Variants in ARNT observed in about 807,000 individuals in gnomAD.
ARNT encodes the protein class E basic helix-loop-helix protein 2.
ARNT carries 30 observed loss-of-function variants against 105.0 expected under a neutral mutation model. The ratio of observed to expected loss-of-function variants is 0.29; its 90% CI spans 0.21 to 0.39. The LOEUF (loss-of-function observed/expected upper bound fraction) is 0.39, where lower values mean the gene tolerates loss of function less well. Among genes scored for constraint, ARNT ranks in the 10% least tolerant of loss-of-function variants. The pLI is 1.00. For missense variants in ARNT, 748 were observed against 978.7 expected, an observed-to-expected ratio of 0.76 and a Z score of 3.15; for synonymous variants, 304 against 344.0, an observed-to-expected ratio of 0.88 and a Z score of 1.29.
At chr1:150,850,018 C>T (rs1663021589) in intron 3 of ARNT, among the ~76,000 whole-genome samples, 1 of 151,976 alleles carries the variant, frequency 6.6e-6, no homozygotes, top group Non-Finnish European at 1.5e-5. Context: ...CAGCACTGCA[C>T]TCCAGCCTGG....
intron 1 of ARNT, among the ~76,000 whole-genome samples, chr1:150,858,745 T>C (rs1665076727): frequency 6.6e-6 from 1 of 151,436 alleles, no homozygotes; most frequent in Non-Finnish European, 1.5e-5. Context: ...CCTCAGCTTC[T>C]GGAATAGCTA....
At chr1:150,832,720 T>C (rs989556670) in intron 8 of ARNT, among the ~76,000 whole-genome samples, 2 of 152,210 alleles carry the variant, frequency 1.3e-5, no homozygotes, top group Admixed American at 6.5e-5. Context: ...TCTAGCATTA[T>C]AGCATGAAAA....
chr1:150,855,123 G>T (rs1441173120), intron 2 of ARNT, among the ~76,000 whole-genome samples: 2 of 151,814 alleles, frequency 1.3e-5, no homozygotes, highest in Non-Finnish European at 2.9e-5. Context: ...AGAATCTAAA[G>T]AAATAATATG....
intron 15 of ARNT, 107 bp downstream of exon 15, chr1:150,817,813 C>CAA (rs35672926): frequency 0.047 from 31,443 of 675,118 alleles, no homozygotes; most frequent in South Asian, 0.074. Context: ...AACTCCTTCT[C>CAA]AAAAAAAAAA....
Position 150,810,629 on chromosome 1 carries a change from AT to A in ARNT, c.*1391del, listed in dbSNP as rs1654551151. On this transcript the variant is annotated 3_prime_UTR_variant, in exon 22 of 22. Coordinates refer to ENST00000358595, the MANE Select transcript of ARNT (RefSeq NM_001668.4). ...GCACTTTAGCTACTGGCCAAAGCCA[AT>A]TTAAAAAAAAAAAAAAAAAAGCTGG... 3.3e-5 allele frequency: 7 copies of A among 210,994 alleles called. No homozygotes were observed. Among genetic ancestry groups the A allele is most frequent in the East Asian group, 7.1e-5 (1 of 14,086 alleles). 13.1% of individuals were successfully genotyped at this position (210,994 alleles called of 1,614,324 possible). A position where few individuals can be genotyped will look rare whatever the true frequency, so the allele number is the denominator to read the frequency against.
chr1:150,838,711 A>G (rs1340096829), intron 6 of ARNT, among the ~76,000 whole-genome samples: 1 of 152,182 alleles, frequency 6.6e-6, no homozygotes, highest in Non-Finnish European at 1.5e-5. Context: ...TGCAATGATC[A>G]TGTTATTTTA....
intron 14 of ARNT, 73 bp from the exon 15 acceptor site, chr1:150,818,103 A>C: frequency 9.3e-7 from 1 of 1,076,230 alleles, no homozygotes; most frequent in Non-Finnish European, 1.4e-6. Flanking sequence ...AAAGAGAAGA[A>C]TAAGATTCTG....
intron 20 of ARNT, among the ~76,000 whole-genome samples, chr1:150,813,710 T>C (rs1286419209): frequency 2.0e-5 from 3 of 151,970 alleles, no homozygotes; most frequent in Non-Finnish European, 2.9e-5. Context: ...AAAGGCGCGA[T>C]CTCAGCTCAC....
intron 1 of ARNT, among the ~76,000 whole-genome samples, chr1:150,874,192 C>T (rs1667917342): frequency 6.6e-6 from 1 of 152,134 alleles, no homozygotes; most frequent in Non-Finnish European, 1.5e-5. Context: ...AAGCACAGTA[C>T]ATTTCCACCT....
At chr1:150,831,928 A>G (rs1480774456) in intron 9 of ARNT, 25 bp from the exon 10 acceptor site, 7 of 1,358,256 alleles carry the variant, frequency 5.2e-6, no homozygotes, top group Non-Finnish European at 7.1e-6. Flanking sequence ...GGAGTTTGAA[A>G]AAAAAAAAAA....
chr1:150,815,441 C>T (rs374650042), intron 19 of ARNT, among the ~76,000 whole-genome samples: 1 of 150,256 alleles, frequency 6.7e-6, no homozygotes, highest in Non-Finnish European at 1.5e-5. Context: ...CCCAGCTACT[C>T]GGGAGGCTGA....
chr1:150,839,400 C>T, intron 6 of ARNT, 41 bp downstream of exon 6: 1 of 1,601,542 alleles, frequency 6.2e-7, no homozygotes, highest in Non-Finnish European at 8.5e-7. Flanking sequence ...AAGAGATTCA[C>T]CCAGATTCCA....
At chr1:150,868,682 A>G (rs1396906088) in intron 1 of ARNT, among the ~76,000 whole-genome samples, 1 of 151,514 alleles carries the variant, frequency 6.6e-6, no homozygotes. Context: ...TGGGCAGATC[A>G]CGAGGTCAGG....
At chr1:150,830,953 C>CTTTTATTGGGTTACCTGCCATA (rs1659264255) in intron 10 of ARNT, among the ~76,000 whole-genome samples, 4 of 152,086 alleles carry the variant, frequency 2.6e-5, no homozygotes, top group African/African-American at 9.7e-5. Flanking sequence ...ACATTAATTA[C>CTTTTATTGGGTTACCTGCCATA]TTTTATTGGG....
At chr1:150,847,751 G>GAAA (rs1662513696) in intron 3 of ARNT, among the ~76,000 whole-genome samples, 1 of 152,170 alleles carries the variant, frequency 6.6e-6, no homozygotes, top group South Asian at 2.1e-4. Flanking sequence ...AAAGCTGTTT[G>GAAA]AAAAAGTCTA....
intron 1 of ARNT, among the ~76,000 whole-genome samples, chr1:150,863,091 C>T (rs1235388230): frequency 2.0e-5 from 3 of 149,380 alleles, no homozygotes; most frequent in African/African-American, 4.9e-5. Context: ...AGGCCAGGCA[C>T]GGTGGCTGAT....
At chr1:150,863,362 A>C (rs1665998623) in intron 1 of ARNT, among the ~76,000 whole-genome samples, 1 of 152,080 alleles carries the variant, frequency 6.6e-6, no homozygotes, top group African/African-American at 2.4e-5. Flanking sequence ...TCTCAAAAAA[A>C]AAAAAAAGAG....
intron 3 of ARNT, among the ~76,000 whole-genome samples, chr1:150,851,394 G>A (rs1358367605): frequency 2.0e-5 from 3 of 152,144 alleles, no homozygotes; most frequent in African/African-American, 4.8e-5. Flanking sequence ...CCATGATGAC[G>A]ATGGCGGTTT....
intron 19 of ARNT, among the ~76,000 whole-genome samples, chr1:150,814,504 GA>G (rs1655419736): frequency 6.6e-6 from 1 of 152,184 alleles, no homozygotes; most frequent in Non-Finnish European, 1.5e-5. Context: ...TATAAACTGT[GA>G]AGTTATATAA....
Sources: allele counts gnomAD v4.1 joint callset (sites outside exome capture counted in the v4.1 genomes callset), GRCh38; gene constraint gnomAD v4.1.1; transcripts MANE v1.5; gene names NCBI Gene and HGNC (gene_info 2026-07-23, HGNC 2026-07-21).